The following PTPRK variants were observed in gnomAD, a reference collection of about 807,000 sequenced individuals.
The protein encoded by PTPRK is receptor-type tyrosine-protein phosphatase kappa.
Under a neutral mutation model 178.0 loss-of-function variants are expected in PTPRK, and 75 were observed. That is an observed-to-expected ratio of 0.42 (90% confidence interval 0.35 to 0.51). The LOEUF is 0.51. Ranked by LOEUF, PTPRK falls within the 20% of genes least tolerant of loss-of-function variation. The pLI is 0.02. For missense variants in PTPRK, 1,441 were observed against 1,797.8 expected (o/e 0.80, Z 3.59); for synonymous variants, 637 against 620.6 (o/e 1.03, Z -0.39).
chr6:128,505,416 G>T (rs1249387424), intron 1 of PTPRK, among the ~76,000 whole-genome samples: 1 of 151,722 alleles, frequency 6.6e-6, no homozygotes, highest in Non-Finnish European at 1.5e-5. Flanking sequence ...ACTCCAGCCT[G>T]GGCAACAAGA....
chr6:128,166,501 A>G (rs1198683489), intron 7 of PTPRK, among the ~76,000 whole-genome samples: 1 of 151,700 alleles, frequency 6.6e-6, no homozygotes, highest in African/African-American at 2.4e-5. Flanking sequence ...AGATAATCGT[A>G]TCAAATGCTG....
At chr6:128,460,874 T>C (rs930509628) in intron 1 of PTPRK, among the ~76,000 whole-genome samples, 5 of 152,206 alleles carry the variant, frequency 3.3e-5, no homozygotes, top group African/African-American at 1.2e-4. Flanking sequence ...GGTTTATTTA[T>C]ATATTTATTT....
At chr6:128,240,679 G>A (rs1050605232) in intron 4 of PTPRK, among the ~76,000 whole-genome samples, 8 of 151,934 alleles carry the variant, frequency 5.3e-5, no homozygotes, top group African/African-American at 1.7e-4. Flanking sequence ...AAGAACAAGG[G>A]AATATTTTTG....
At chr6:128,345,079 C>A (rs1832244097) in intron 2 of PTPRK, among the ~76,000 whole-genome samples, 1 of 148,534 alleles carries the variant, frequency 6.7e-6, no homozygotes. Flanking sequence ...ATCAGAGTAA[C>A]TACTATGTGA....
At chr6:128,115,680 A>G (rs1791383607) in intron 7 of PTPRK, among the ~76,000 whole-genome samples, 1 of 152,092 alleles carries the variant, frequency 6.6e-6, no homozygotes, top group South Asian at 2.1e-4. Context: ...ACTTAGAATA[A>G]CAGATATAAA....
chr6:128,078,923 T>C lies in PTPRK; in HGVS notation c.1778-5A>G, dbSNP rs376073826. On this transcript the variant is annotated splice_polypyrimidine_tract_variant and splice_region_variant and intron_variant, in intron 10 of 29. Coordinates refer to ENST00000368226, the MANE Select transcript of PTPRK (RefSeq NM_002844.4). Reference sequence around the variant, plus strand: ...CATAGTCAGGTAAAGTTGGAGCTGATGAGTGATTAATGAGATAAAAAAGGT... The same window carrying C: ...CATAGTCAGGTAAAGTTGGAGCTGACGAGTGATTAATGAGATAAAAAAGGT... The C allele has an allele frequency of 1.9e-6, 3 of 1,572,424 alleles. No individual in the cohort carries two copies. Among genetic ancestry groups the C allele is most frequent in the Non-Finnish European group, 1.8e-6 (2 of 1,142,660 alleles).
At chr6:128,456,194 C>T (rs1398144294) in intron 1 of PTPRK, among the ~76,000 whole-genome samples, 1 of 151,890 alleles carries the variant, frequency 6.6e-6, no homozygotes, top group Non-Finnish European at 1.5e-5. Context: ...GTTATGAGAT[C>T]ATAACAAGAT....
At chr6:128,306,244 CAAG>C (rs1157889626) in intron 3 of PTPRK, among the ~76,000 whole-genome samples, 1 of 152,068 alleles carries the variant, frequency 6.6e-6, no homozygotes, top group Non-Finnish European at 1.5e-5. Context: ...CAAAAACATT[CAAG>C]AAGGTTATAG....
intron 3 of PTPRK, among the ~76,000 whole-genome samples, chr6:128,288,096 A>C (rs973071302): frequency 1.3e-5 from 2 of 152,150 alleles, no homozygotes; most frequent in African/African-American, 4.8e-5. Flanking sequence ...TACAAAGATT[A>C]TTCTTCAGAT....
intron 1 of PTPRK, among the ~76,000 whole-genome samples, chr6:128,474,115 T>C (rs2128420238): frequency 6.6e-6 from 1 of 152,026 alleles, no homozygotes; most frequent in Middle Eastern, 3.4e-3. Context: ...TAGGTAACAC[T>C]AAACCATATT....
At chr6:128,516,652 A>C (rs1262049563) in intron 1 of PTPRK, among the ~76,000 whole-genome samples, 3 of 152,192 alleles carry the variant, frequency 2.0e-5, no homozygotes, top group African/African-American at 7.2e-5. Flanking sequence ...CAGCATTCTA[A>C]GTGCACATCA....
At chr6:128,104,903 T>C (rs532540656) in intron 7 of PTPRK, among the ~76,000 whole-genome samples, 77 of 152,330 alleles carry the variant, frequency 5.1e-4, no homozygotes, top group African/African-American at 1.8e-3. Flanking sequence ...TGTGAAACTT[T>C]GAAATGTTCC....
At chr6:128,057,439 G>T (rs1334548691) in intron 13 of PTPRK, among the ~76,000 whole-genome samples, 1 of 152,184 alleles carries the variant, frequency 6.6e-6, no homozygotes, top group Non-Finnish European at 1.5e-5. Context: ...TATGCTAAAA[G>T]TCTAGTTTCC....
chr6:128,428,818 A>T (rs1420785339), intron 1 of PTPRK, among the ~76,000 whole-genome samples: 2 of 152,218 alleles, frequency 1.3e-5, no homozygotes, highest in Non-Finnish European at 2.9e-5. Context: ...GTACCCATAC[A>T]GCCATCCTGT....
At chr6:128,354,218 GT>G (rs1833592819) in intron 2 of PTPRK, among the ~76,000 whole-genome samples, 1 of 71,558 alleles carries the variant, frequency 1.4e-5, no homozygotes, top group Admixed American at 1.5e-4. Context: ...ATGTATTTTG[GT>G]TTTTTGTTTA....
chr6:127,995,236 T>C, intron 18 of PTPRK: 1 of 1,596,044 alleles, frequency 6.3e-7, no homozygotes, highest in Non-Finnish European at 8.6e-7. Flanking sequence ...TATTTACATA[T>C]AGTGGTACTT....
chr6:128,144,492 G>A (rs1199795446), intron 7 of PTPRK, among the ~76,000 whole-genome samples: 1 of 152,100 alleles, frequency 6.6e-6, no homozygotes, highest in African/African-American at 2.4e-5. Context: ...GAGTCACATG[G>A]CTTCTTTCTT....
chr6:128,282,738 CCTAT>C (rs1477232290), intron 3 of PTPRK, among the ~76,000 whole-genome samples: 2 of 152,074 alleles, frequency 1.3e-5, no homozygotes, highest in African/African-American at 4.8e-5. Context: ...CCTATCCAGC[CCTAT>C]CTATCTCATA....
chr6:128,242,850 T>C (rs1218975978), intron 3 of PTPRK, among the ~76,000 whole-genome samples: 3 of 152,236 alleles, frequency 2.0e-5, no homozygotes, highest in Non-Finnish European at 4.4e-5. Context: ...TTACCAAGTA[T>C]TGTTATATAT....
Sources: allele counts gnomAD v4.1 joint callset (sites outside exome capture counted in the v4.1 genomes callset), GRCh38; gene constraint gnomAD v4.1.1; transcripts MANE v1.5; gene names NCBI Gene and HGNC (gene_info 2026-07-23, HGNC 2026-07-21).